The following PGBD2 variants were observed in gnomAD, a reference collection of about 807,000 sequenced individuals.
The protein encoded by PGBD2 is piggyBac transposable element-derived protein 2.
A neutral mutation model predicts 8.1 loss-of-function variants in PGBD2; 6 were observed. That is an observed-to-expected ratio of 0.74 (90% CI 0.40 to 1.46). The LOEUF is 1.46. Ranked by LOEUF, PGBD2 falls within the 40% of genes most tolerant of loss-of-function variation. The probability of loss-of-function intolerance (pLI) is 0.02; values close to 1 mark genes in which losing one functional copy is unlikely to be tolerated. For missense variants in PGBD2, 802 were observed against 739.0 expected (o/e 1.09, Z -0.99); for synonymous variants, 318 against 272.2 (o/e 1.17, Z -1.66).
intron 1 of PGBD2, among the ~76,000 whole-genome samples, chr1:248,907,567 C>A (rs556169545): frequency 6.6e-6 from 1 of 152,286 alleles, no homozygotes; most frequent in East Asian, 1.9e-4. Flanking sequence ...TGGACAATAC[C>A]CGGCTTTCCA....
At chr1:248,908,627 C>T (rs1010162463) in intron 1 of PGBD2, among the ~76,000 whole-genome samples, 1 of 152,048 alleles carries the variant, frequency 6.6e-6, no homozygotes, top group Non-Finnish European at 1.5e-5. Context: ...GTTGTCCATA[C>T]TGCACCCAGA....
the PGBD2 span, among the ~76,000 whole-genome samples, chr1:248,873,810 C>T: frequency 2.6e-5 from 4 of 152,200 alleles, no homozygotes; most frequent in African/African-American, 9.6e-5. Context: ...CTGGCACCAG[C>T]GGACACAAGT....
At chr1:248,911,004 G>T (rs112654294) in intron 1 of PGBD2, among the ~76,000 whole-genome samples, 3,525 of 151,966 alleles carry the variant, frequency 0.023, 144 homozygotes, top group African/African-American at 0.08. Context: ...GTTTCCTCCT[G>T]CCCCTTTGTA....
In PGBD2 at chr1:248,917,763, G is replaced by A. The variant is rs767693919; in HGVS notation, c.1179G>A (p.Met393Ile). Reference protein sequence around the residue: ...PLKDPKELKKMKRGSFDYKVD... With the variant: ...PLKDPKELKKIKRGSFDYKVD... ...AAGACCCCAAAGAACTGAAAAAAATGAAGAGGGGTTCATTTGATTACAAAG... is the reference window on the plus strand; with the variant it reads ...AAGACCCCAAAGAACTGAAAAAAATAAAGAGGGGTTCATTTGATTACAAAG... Residue 393 changes from methionine (M) to isoleucine (I), a missense_variant, in exon 3 of 3, where the codon ATG (methionine) becomes ATA (isoleucine). By Grantham distance (10) the Met-to-Ile change is conservative. Transcript: ENST00000329291. 2 of 1,614,098 alleles carry A rather than the reference G, an allele frequency of 1.2e-6. No individual in the cohort carries two copies. Among genetic ancestry groups the A allele is most frequent in the African/African-American group, 2.7e-5 (2 of 74,934 alleles).
At chr1:248,892,346 G>A in the PGBD2 span, among the ~76,000 whole-genome samples, 1 of 133,534 alleles carries the variant, frequency 7.5e-6, no homozygotes, top group Non-Finnish European at 1.5e-5. Flanking sequence ...TTCTTTCTTT[G>A]AAAGGCATAT....
the PGBD2 span, among the ~76,000 whole-genome samples, chr1:248,929,102 A>G: frequency 6.6e-6 from 1 of 152,150 alleles, no homozygotes; most frequent in African/African-American, 2.4e-5. Flanking sequence ...TAATCTTAGT[A>G]TTTGTATTAA....
chr1:248,910,831 G>T (rs376322189), intron 1 of PGBD2, among the ~76,000 whole-genome samples: 34 of 148,086 alleles, frequency 2.3e-4, no homozygotes, highest in South Asian at 1.9e-3. Flanking sequence ...AGAGGAATTT[G>T]TTTTTTTTTT....
the PGBD2 span, among the ~76,000 whole-genome samples, chr1:248,925,410 A>G: frequency 6.6e-6 from 1 of 152,142 alleles, no homozygotes; most frequent in South Asian, 2.1e-4. Context: ...TTGCTGCAAA[A>G]CCGCTGACTG....
At chr1:248,875,678 C>G in the PGBD2 span, among the ~76,000 whole-genome samples, 1 of 152,208 alleles carries the variant, frequency 6.6e-6, no homozygotes, top group East Asian at 1.9e-4. Context: ...TTTTATTTCT[C>G]TCTGGGTATC....
the PGBD2 span, among the ~76,000 whole-genome samples, chr1:248,878,512 G>A: frequency 6.6e-6 from 1 of 152,036 alleles, no homozygotes; most frequent in Non-Finnish European, 1.5e-5. Flanking sequence ...AGTTGATTAA[G>A]GTAAGAGTGG....
At chr1:248,914,342 C>A in intron 2 of PGBD2, 1 of 932,288 alleles carries the variant, frequency 1.1e-6, no homozygotes, top group Middle Eastern at 5.5e-4. Flanking sequence ...GTCAGGAAAG[C>A]GTGAAGATGG....
the PGBD2 span, among the ~76,000 whole-genome samples, chr1:248,892,277 T>C: frequency 0.075 from 3,446 of 46,088 alleles, 120 homozygotes; most frequent in African/African-American, 0.12. Flanking sequence ...CTCCCTCCCT[T>C]CCTTCCTTCC....
At chr1:248,902,538 C>T (rs1369106563), upstream of PGBD2, among the ~76,000 whole-genome samples, 1 of 152,144 alleles carries the variant, frequency 6.6e-6, no homozygotes, top group Non-Finnish European at 1.5e-5. Context: ...ATAAAGATAC[C>T]ATGCATGCAT....
intron 2 of PGBD2, among the ~76,000 whole-genome samples, chr1:248,916,168 CT>C (rs1191251823): frequency 6.6e-6 from 1 of 152,182 alleles, no homozygotes; most frequent in Non-Finnish European, 1.5e-5. Context: ...AATCCCAGCA[CT>C]TTGGGAGGCT....
downstream of PGBD2, among the ~76,000 whole-genome samples, chr1:248,922,819 G>T (rs1662314188): frequency 6.6e-6 from 1 of 152,142 alleles, no homozygotes; most frequent in African/African-American, 2.4e-5. Flanking sequence ...ACTTGATCGT[G>T]GTGGATAAAC....
the PGBD2 span, among the ~76,000 whole-genome samples, chr1:248,875,308 C>CAAAAAAAAAAAAAAAAAAAAA: frequency 7.2e-4 from 79 of 109,842 alleles, no homozygotes; most frequent in Non-Finnish European, 1.0e-3. Flanking sequence ...AAAAACAAAA[C>CAAAAAAAAAAAAAAAAAAAAA]AAAAAAAAAA....
At chr1:248,909,084 T>G (rs1287224814) in intron 1 of PGBD2, among the ~76,000 whole-genome samples, 1 of 152,220 alleles carries the variant, frequency 6.6e-6, no homozygotes, top group African/African-American at 2.4e-5. Flanking sequence ...AGTGATAGTG[T>G]GGCTGCCTAA....
chr1:248,889,928 CTTTTTTT>C, the PGBD2 span, among the ~76,000 whole-genome samples: 3 of 136,016 alleles, frequency 2.2e-5, no homozygotes, highest in Non-Finnish European at 4.7e-5. Context: ...TTTTTCTTTT[CTTTTTTT>C]TTTTTTTTTG....
intron 1 of PGBD2, among the ~76,000 whole-genome samples, chr1:248,910,222 G>A (rs1256937017): frequency 6.6e-6 from 1 of 152,224 alleles, no homozygotes; most frequent in Non-Finnish European, 1.5e-5. Flanking sequence ...GATATTTATA[G>A]TAACAGAATT....
Sources: allele counts gnomAD v4.1 joint callset (sites outside exome capture counted in the v4.1 genomes callset), GRCh38; gene constraint gnomAD v4.1.1; transcripts MANE v1.5; gene names NCBI Gene and HGNC (gene_info 2026-07-23, HGNC 2026-07-21).